The following CAGE1 variants were observed in gnomAD, a reference collection of about 807,000 sequenced individuals.
CAGE1 encodes the protein cancer-associated gene 1 protein.
A neutral mutation model predicts 94.9 loss-of-function variants in CAGE1; 66 were observed. The observed-to-expected ratio is 0.70, with a 90% CI of 0.57 to 0.85. CAGE1 has a LOEUF of 0.85. Ranked by LOEUF, CAGE1 falls within the 40% of genes least tolerant of loss-of-function variation. The pLI is 0.00. For synonymous variants in CAGE1, 319 were observed against 321.0 expected (o/e 0.99, Z 0.07); for missense variants, 865 against 950.4 (o/e 0.91, Z 1.18).
Position 7,365,448 on chromosome 6 carries a change from T to TA in CAGE1, c.2193+19dup, listed in dbSNP as rs565163363. The TA allele has an allele frequency of 1.0e-3, 1,636 of 1,593,788 alleles. 10 individuals carry two copies. In the African/African-American group the frequency reaches 0.019, roughly 19 times the overall value. ...GTTGTGTATAAAAATAATAGCAAGGTAAAAAAAGGTCTTTCTTACCAAGAA... is the reference window on the plus strand; with the variant it reads ...GTTGTGTATAAAAATAATAGCAAGGTAAAAAAAAGGTCTTTCTTACCAAGAA... On this transcript the variant is annotated intron_variant, in intron 9 of 13. Coordinates refer to ENST00000502583, the MANE Select transcript of CAGE1 (RefSeq NM_001170692.2).
chr6:7,345,484 CAT>C (rs1026240801), intron 11 of CAGE1, among the ~76,000 whole-genome samples: 1 of 152,214 alleles, frequency 6.6e-6, no homozygotes, highest in Non-Finnish European at 1.5e-5. Context: ...CACAAAATGG[CAT>C]ACTCACATTA....
intron 6 of CAGE1, among the ~76,000 whole-genome samples, 155 bp downstream of exon 6, chr6:7,369,761 CGAA>C (rs1348590579): frequency 3.9e-5 from 6 of 152,104 alleles, no homozygotes; most frequent in South Asian, 4.1e-4. Context: ...AGACATGGGG[CGAA>C]GAAGGGTTGG....
At chr6:7,375,298 A>G (rs1056422419) in intron 4 of CAGE1, among the ~76,000 whole-genome samples, 1 of 150,684 alleles carries the variant, frequency 6.6e-6, no homozygotes, top group African/African-American at 2.4e-5. Context: ...AGTCCCAGCT[A>G]CTCGGGAGGC....
In CAGE1 at chr6:7,373,684, T is replaced by C; in HGVS notation, c.1135A>G (p.Lys379Glu). 1.2e-6 allele frequency: 2 copies of C among 1,613,242 alleles called. No homozygotes were observed. Among genetic ancestry groups the C allele is most frequent in the South Asian group, 1.1e-5 (1 of 91,040 alleles). The change falls in exon 5 of 14, where the codon AAA becomes GAA. Residue 379 changes from lysine (K) to glutamate (E), a missense_variant. Lys to Glu is a moderately conservative substitution (Grantham distance 56, BLOSUM62 1). Transcript: ENST00000502583. Reference protein sequence around the residue: ...YKIILEKNDTKKTLQNLEEVL... With the variant: ...YKIILEKNDTEKTLQNLEEVL... ...TCTTCCAAATTCTGCAATGTCTTTT[T>C]AGTATCATTCTTCTCTAGGATTATT...
intron 11 of CAGE1, among the ~76,000 whole-genome samples, chr6:7,345,455 C>G (rs192650763): frequency 6.6e-6 from 1 of 152,154 alleles, no homozygotes; most frequent in African/African-American, 2.4e-5. Flanking sequence ...GAAGTGAGAC[C>G]AAGTAGCCCA....
rs779227583 is a variant in CAGE1, at chr6:7,385,796, T to C, written c.272A>G (p.Asn91Ser). 38 of 1,531,976 alleles carry C rather than the reference T, an allele frequency of 2.5e-5. No individual in the cohort carries two copies. The highest frequency in any genetic ancestry group is 1.0e-4 in the South Asian group (8 of 80,258). The allele number at this position is 1,531,976 out of a possible 1,614,324, so 94.9% of individuals were successfully genotyped here. The change falls in exon 3 of 14, where the codon AAT becomes AGT. Residue 91 changes from asparagine (N) to serine (S), a missense_variant. Asn to Ser is a conservative substitution (Grantham distance 46). Coordinates refer to ENST00000502583, the MANE Select transcript of CAGE1 (RefSeq NM_001170692.2). ...LCEDAYGTLD[N>S]LLNDNNIENY... ...AAGTAGATACTTACCATTTAACAAA[T>C]TGTCTAGTGTGCCATAAGCATCTTC...
chr6:7,345,701 G>C (rs1358856456), intron 11 of CAGE1, among the ~76,000 whole-genome samples: 1 of 151,920 alleles, frequency 6.6e-6, no homozygotes, highest in African/African-American at 2.4e-5. Flanking sequence ...GCTGAGGCGG[G>C]CAGATCATGA....
At chr6:7,345,412 A>G (rs532667439) in intron 11 of CAGE1, among the ~76,000 whole-genome samples, 8 of 152,142 alleles carry the variant, frequency 5.3e-5, no homozygotes, top group Non-Finnish European at 8.8e-5. Flanking sequence ...AAGAGCTGTA[A>G]CCCTCACTGC....
intron 3 of CAGE1, among the ~76,000 whole-genome samples, chr6:7,384,268 G>A (rs1440141651): frequency 1.3e-5 from 2 of 152,014 alleles, no homozygotes; most frequent in African/African-American, 4.8e-5. Flanking sequence ...TAGTAGACAC[G>A]GGGTTTCACC....
rs1760204891 is a variant in CAGE1 at position 7,362,800 on chromosome 6, A to G, written c.2193+2668T>C. 6.6e-6 allele frequency among the ~76,000 whole-genome samples: 1 copy of G among 151,776 alleles called. No homozygotes were observed. Among genetic ancestry groups the G allele is most frequent in the African/African-American group, 2.4e-5 (1 of 41,282 alleles). On this transcript the variant is annotated intron_variant, in intron 9 of 13. Transcript: ENST00000502583. This position sits in a 1 kb window ranked among gnomAD's most constrained non-coding sequence, Gnocchi z 4.1. ...GCAAGTCTAAAGAATAACATAATGA[A>G]CCTCCATGTTTCCATCCCATAACTT...
chr6:7,381,671 A>T (rs1455093194), intron 3 of CAGE1, among the ~76,000 whole-genome samples: 1 of 145,636 alleles, frequency 6.9e-6, no homozygotes, highest in African/African-American at 2.6e-5. Context: ...TGGGAATACA[A>T]GCGTGCACCA....
At chr6:7,330,285 G>A (rs970242166) in intron 12 of CAGE1, among the ~76,000 whole-genome samples, 1 of 152,184 alleles carries the variant, frequency 6.6e-6, no homozygotes, top group Admixed American at 6.5e-5. Flanking sequence ...CTACTCACAA[G>A]GCTGAGGCGG....
chr6:7,365,024 A>G (rs1176247455), intron 9 of CAGE1, among the ~76,000 whole-genome samples: 1 of 152,158 alleles, frequency 6.6e-6, no homozygotes, highest in Non-Finnish European at 1.5e-5. Flanking sequence ...AGATTCTAAG[A>G]TCACATTTTC....
chr6:7,337,598 A>T lies in CAGE1; in HGVS notation c.2370-3508T>A, dbSNP rs151101403. On this transcript the variant is annotated intron_variant, in intron 11 of 13. Coordinates refer to ENST00000502583, the MANE Select transcript of CAGE1 (RefSeq NM_001170692.2). ...TTTGAAAATGGGCAATGATTTCAGC[A>T]CCATTTGTTGAGAAGGCTATCCTTT... Among the ~76,000 whole-genome samples the T allele has an allele frequency of 4.8e-3, 728 of 152,280 alleles. 31 individuals carry two copies. Among genetic ancestry groups the T allele is most frequent in the Admixed American group, 0.045 (687 of 15,290 alleles).
In CAGE1 at chr6:7,339,253, G is replaced by T; in HGVS notation, c.2370-5163C>A. 2 of 1,582,484 alleles carry T rather than the reference G, an allele frequency of 1.3e-6. No individual in the cohort carries two copies. The highest frequency in any genetic ancestry group is 2.2e-5 in the East Asian group (1 of 44,740). ...GCAAGCCCTCCTAGGAGTTTGTAAG[G>T]CAGAGACTCTGCCTGGGCAATGGCA... On this transcript the variant is annotated intron_variant, in intron 11 of 13. Coordinates refer to ENST00000502583, the MANE Select transcript of CAGE1 (RefSeq NM_001170692.2). This position sits in a 1 kb window ranked among gnomAD's most constrained non-coding sequence, Gnocchi z 4.7.
At chr6:7,341,469 C>T in intron 11 of CAGE1, 1 of 1,141,794 alleles carries the variant, frequency 8.8e-7, no homozygotes, top group Non-Finnish European at 1.3e-6. Context: ...TACCTCTTGG[C>T]AAATTCCAGG....
chr6:7,384,008 T>C (rs1417260496), intron 3 of CAGE1, among the ~76,000 whole-genome samples: 1 of 152,230 alleles, frequency 6.6e-6, no homozygotes, highest in East Asian at 1.9e-4. Flanking sequence ...CTTATTAGTT[T>C]TAATAGCTCA....
In CAGE1 at chr6:7,362,528, G is replaced by A. The variant is rs1048426280; in HGVS notation, c.2193+2940C>T. 2.0e-5 allele frequency among the ~76,000 whole-genome samples: 3 copies of A among 152,190 alleles called. No homozygotes were observed. Among genetic ancestry groups the A allele is most frequent in the South Asian group, 4.1e-4 (2 of 4,834 alleles). ...AAGGACCCTGTCTCAGGATGGAGGA[G>A]GCCAGGCTGTGAATGGAGCAGATGG... is the stretch of plus-strand genomic sequence containing the variant. On this transcript the variant is annotated intron_variant, in intron 9 of 13. Coordinates refer to ENST00000502583, the MANE Select transcript of CAGE1 (RefSeq NM_001170692.2). This position sits in a 1 kb window ranked among gnomAD's most constrained non-coding sequence, Gnocchi z 4.1.
chr6:7,349,883 A>T (rs1040615849), intron 11 of CAGE1, among the ~76,000 whole-genome samples: 10 of 151,104 alleles, frequency 6.6e-5, no homozygotes, highest in East Asian at 1.9e-4. Context: ...GTGAGCCAAG[A>T]TCTCACTGTT....
Sources: gnomAD v4.1 joint callset for allele counts (sites outside exome capture counted in the v4.1 genomes callset) on GRCh38, gnomAD v4.1.1 for gene constraint, Gnocchi (gnomAD v3.1) non-coding constraint, MANE v1.5 for transcripts, NCBI Gene and HGNC (gene_info 2026-07-23, HGNC 2026-07-21) for gene names.